TAFA2: variants seen among roughly 807,000 people sequenced by gnomAD.
TAFA2 encodes the protein TAFA chemokine like family member 2.
In TAFA2, 7 loss-of-function variants were observed where a neutral mutation model predicts 18.8. That is an observed-to-expected ratio of 0.37 (90% CI 0.21 to 0.70). The LOEUF (loss-of-function observed/expected upper bound fraction) is 0.70, where lower values mean the gene tolerates loss of function less well. Ranked by LOEUF, TAFA2 falls within the 30% of genes least tolerant of loss-of-function variation. The pLI is 0.53. For synonymous variants in TAFA2, 60 were observed against 54.2 expected (o/e 1.11, Z -0.47); for missense variants, 122 against 158.1 (o/e 0.77, Z 1.23).
intron 1 of TAFA2, among the ~76,000 whole-genome samples, chr12:62,048,024 G>A (rs1196211316): frequency 2.6e-5 from 4 of 152,166 alleles, no homozygotes; most frequent in Non-Finnish European, 5.9e-5. Flanking sequence ...ATAATTTTTT[G>A]TGATCACCCT....
At chr12:61,818,455 C>G (rs765990049) in intron 2 of TAFA2, among the ~76,000 whole-genome samples, 11 of 150,856 alleles carry the variant, frequency 7.3e-5, no homozygotes, top group Non-Finnish European at 1.5e-4. Context: ...TTCCCTACAG[C>G]CTAGGTGACA....
At chr12:62,250,650 T>G (rs553266026) in intron 1 of TAFA2, among the ~76,000 whole-genome samples, 4 of 152,316 alleles carry the variant, frequency 2.6e-5, no homozygotes, top group African/African-American at 7.2e-5. Context: ...GAACTCCTAT[T>G]AAACATGTTG....
At chr12:62,091,828 T>C (rs375490451) in intron 1 of TAFA2, among the ~76,000 whole-genome samples, 1 of 152,082 alleles carries the variant, frequency 6.6e-6, no homozygotes, top group East Asian at 1.9e-4. Context: ...GAAAGATATT[T>C]TGAAACACTT....
intron 1 of TAFA2, among the ~76,000 whole-genome samples, chr12:61,868,105 A>T (rs945042814): frequency 7.9e-5 from 12 of 152,186 alleles, no homozygotes; most frequent in African/African-American, 2.9e-4. Context: ...ATAAAACTAG[A>T]AAAAGCAAAA....
rs145464128 is a variant in TAFA2 at position 62,048,830 on chromosome 12, C to T, written c.-2+142429G>A. On this transcript the variant is annotated intron_variant, in intron 1 of 4. Transcript: ENST00000416284. ...AGTTACTGCATAGCAAATGACAGCA[C>T]GACCAGCAGTGTGTATTTCAGCTGA... Among the ~76,000 whole-genome samples the T allele has an allele frequency of 2.3e-3, 352 of 152,184 alleles. 3 individuals are homozygous for T. The highest frequency in any genetic ancestry group is 5.4e-3 in the South Asian group (26 of 4,824).
At chr12:61,818,490 T>TACACACAC (rs3034071) in intron 2 of TAFA2, among the ~76,000 whole-genome samples, 2,686 of 140,774 alleles carry the variant, frequency 0.019, 68 homozygotes, top group East Asian at 0.096. Context: ...CTCAAAAAAA[T>TACACACAC]ACACACACAC....
At chr12:61,982,876 CAAA>C (rs3031097) in intron 1 of TAFA2, among the ~76,000 whole-genome samples, 12,512 of 101,644 alleles carry the variant, frequency 0.12, 938 homozygotes, top group East Asian at 0.34. Context: ...AAGTGGAAGG[CAAA>C]AAAAAAAAAA....
intron 1 of TAFA2, among the ~76,000 whole-genome samples, chr12:61,939,263 T>C (rs1877898383): frequency 1.3e-5 from 2 of 152,222 alleles, no homozygotes; most frequent in Non-Finnish European, 2.9e-5. Context: ...ATGTTACTTG[T>C]TGATTACAAT....
At chr12:61,815,507 C>A (rs1872043062) in intron 2 of TAFA2, among the ~76,000 whole-genome samples, 3 of 150,602 alleles carry the variant, frequency 2.0e-5, no homozygotes, top group South Asian at 4.2e-4. Flanking sequence ...ACTAAAAATA[C>A]AAAAAATTAG....
At chr12:61,755,890 T>C (rs1274924597) in intron 2 of TAFA2, among the ~76,000 whole-genome samples, 1 of 152,106 alleles carries the variant, frequency 6.6e-6, no homozygotes, top group Non-Finnish European at 1.5e-5. Flanking sequence ...TGTGAAAAGA[T>C]AAAACTTTTG....
chr12:62,228,395 T>TTTCC (rs1339866804), intron 1 of TAFA2, among the ~76,000 whole-genome samples: 1 of 152,210 alleles, frequency 6.6e-6, no homozygotes, highest in Non-Finnish European at 1.5e-5. Context: ...CCTGTGGGTA[T>TTTCC]ATACCTAGTA....
At chr12:62,251,804 A>G (rs901298557) in intron 1 of TAFA2, among the ~76,000 whole-genome samples, 2 of 152,206 alleles carry the variant, frequency 1.3e-5, no homozygotes, top group African/African-American at 2.4e-5. Context: ...TGAACTACAC[A>G]GGGTGCCTCT....
intron 1 of TAFA2, among the ~76,000 whole-genome samples, chr12:61,987,114 T>A (rs1879846410): frequency 6.6e-6 from 1 of 152,210 alleles, no homozygotes; most frequent in South Asian, 2.1e-4. Context: ...AAGCATCCAG[T>A]GTTGTGAGGA....
At chr12:61,736,374 G>T (rs147533612) in intron 4 of TAFA2, among the ~76,000 whole-genome samples, 63 of 152,054 alleles carry the variant, frequency 4.1e-4, no homozygotes, top group Non-Finnish European at 6.6e-4. Flanking sequence ...GAAACTTAAC[G>T]ATATCACCTG....
At chr12:61,871,748 C>A (rs535187547) in intron 1 of TAFA2, among the ~76,000 whole-genome samples, 1 of 152,268 alleles carries the variant, frequency 6.6e-6, no homozygotes, top group African/African-American at 2.4e-5. Context: ...GTACACGGAA[C>A]TTTAGACTTT....
At chr12:61,940,702 C>G (rs1346576770) in intron 1 of TAFA2, among the ~76,000 whole-genome samples, 2 of 152,128 alleles carry the variant, frequency 1.3e-5, no homozygotes, top group East Asian at 3.9e-4. Context: ...GCAGGTGAAG[C>G]TAGCAATGGG....
chr12:61,872,502 A>T (rs1159091092), intron 1 of TAFA2, among the ~76,000 whole-genome samples: 3 of 152,094 alleles, frequency 2.0e-5, no homozygotes, highest in Non-Finnish European at 2.9e-5. Context: ...TAAAATGTAA[A>T]TCAAATCACA....
intron 1 of TAFA2, among the ~76,000 whole-genome samples, chr12:61,932,304 T>G (rs925060247): frequency 7.9e-5 from 12 of 152,184 alleles, no homozygotes; most frequent in Non-Finnish European, 1.6e-4. Context: ...TGTGTTCAGA[T>G]TTTGAAAAGA....
chr12:61,836,756 T>TATATATATATATATATACAC (rs68158949), intron 2 of TAFA2, among the ~76,000 whole-genome samples: 56 of 119,832 alleles, frequency 4.7e-4, no homozygotes, highest in Non-Finnish European at 7.8e-4. Flanking sequence ...TATATATATA[T>TATATATATATATATATACAC]ACACACACAC....
Sources: allele counts gnomAD v4.1 joint callset (sites outside exome capture counted in the v4.1 genomes callset), GRCh38; gene constraint gnomAD v4.1.1; transcripts MANE v1.5; gene names NCBI Gene and HGNC (gene_info 2026-07-23, HGNC 2026-07-21).